The following PROS1 variants were observed in gnomAD, a reference collection of about 807,000 sequenced individuals.
PROS1 encodes the protein protein S, also known as vitamin K-dependent protein S.
Under a neutral mutation model 75.9 loss-of-function variants are expected in PROS1, and 29 were observed. The ratio of observed to expected loss-of-function variants is 0.38; its 90% CI spans 0.28 to 0.52. The LOEUF (loss-of-function observed/expected upper bound fraction) is 0.52, where lower values mean the gene tolerates loss of function less well. Among genes scored for constraint, PROS1 ranks in the 20% least tolerant of loss-of-function variants. PROS1 has a pLI of 0.83. For synonymous variants in PROS1, 245 were observed against 280.6 expected (o/e 0.87, Z 1.27); for missense variants, 680 against 810.3 (o/e 0.84, Z 1.95).
At chr3:93,968,404 C>A (rs1255754325) in intron 1 of PROS1, among the ~76,000 whole-genome samples, 4 of 152,192 alleles carry the variant, frequency 2.6e-5, no homozygotes, top group Non-Finnish European at 4.4e-5. Flanking sequence ...GAAACATATT[C>A]TCCCCTCACA....
intron 10 of PROS1, among the ~76,000 whole-genome samples, chr3:93,887,261 A>C (rs1231680695): frequency 6.6e-6 from 1 of 152,242 alleles, no homozygotes; most frequent in African/African-American, 2.4e-5. Context: ...TATGTTCACT[A>C]TTCTGTTAAT....
intron 2 of PROS1, among the ~76,000 whole-genome samples, chr3:93,926,001 C>T (rs912972009): frequency 1.3e-5 from 2 of 151,998 alleles, no homozygotes; most frequent in African/African-American, 4.8e-5. Context: ...GGTCTTCTCC[C>T]TCACTGGGCT....
intron 10 of PROS1, among the ~76,000 whole-genome samples, chr3:93,891,494 C>A (rs921522656): frequency 1.1e-4 from 16 of 152,144 alleles, no homozygotes; most frequent in African/African-American, 3.1e-4. Flanking sequence ...GTGGCGTGAT[C>A]TCGGCTCACT....
At chr3:93,937,655 C>G (rs1222396851) in intron 1 of PROS1, among the ~76,000 whole-genome samples, 6 of 152,162 alleles carry the variant, frequency 3.9e-5, no homozygotes, top group Non-Finnish European at 7.4e-5. Context: ...GCGTGAGTCA[C>G]CATGCTCAGC....
Position 93,899,481 on chromosome 3 carries a change from T to A in PROS1, c.728-912A>T, listed in dbSNP as rs1264152005. Among the ~76,000 whole-genome samples the A allele has an allele frequency of 2.6e-5, 4 of 152,276 alleles. No individual in the cohort carries two copies. The East Asian group carries it at 7.7e-4, about 29-fold the overall frequency. ...GATAAGAGTCATATATAAATCTTTT[T>A]AAAAAATATGTCATTCATTAAATAA... is the stretch of plus-strand genomic sequence containing the variant. On this transcript the variant is annotated intron_variant, in intron 7 of 14. Coordinates refer to ENST00000394236, the MANE Select transcript of PROS1 (RefSeq NM_000313.4).
At chr3:93,945,239 T>C (rs572232672) in intron 1 of PROS1, among the ~76,000 whole-genome samples, 74 of 152,306 alleles carry the variant, frequency 4.9e-4, no homozygotes, top group Non-Finnish European at 8.5e-4. Flanking sequence ...AAACAGGAAC[T>C]GGTACCATTC....
Position 93,874,194 on chromosome 3 carries a change from T to C in PROS1, c.*51A>G. The C allele has an allele frequency of 1.9e-6, 3 of 1,597,038 alleles. No individual in the cohort carries two copies. The highest frequency in any genetic ancestry group is 2.6e-6 in the Non-Finnish European group (3 of 1,165,212). The stretch of plus-strand genomic sequence containing the variant: ...AAACCCTTCAGCTGTTATTGAAACA[T>C]AAGTATAATTACACACAAGGAAAAG... On this transcript the variant is annotated 3_prime_UTR_variant, in exon 15 of 15. Coordinates refer to ENST00000394236, the MANE Select transcript of PROS1 (RefSeq NM_000313.4).
intron 12 of PROS1, among the ~76,000 whole-genome samples, chr3:93,880,002 G>C (rs1405783570): frequency 2.6e-5 from 4 of 152,110 alleles, no homozygotes; most frequent in Non-Finnish European, 5.9e-5. Flanking sequence ...TATGTTTCCA[G>C]AATAGTTGGA....
At chr3:93,875,857 C>A (rs1708179776) in intron 14 of PROS1, among the ~76,000 whole-genome samples, 1 of 152,140 alleles carries the variant, frequency 6.6e-6, no homozygotes, top group Non-Finnish European at 1.5e-5. Context: ...GAATAAATTG[C>A]AAATGTCATC....
chr3:93,924,339 G>C, intron 2 of PROS1, 75 bp from the exon 3 acceptor site: 1 of 888,566 alleles, frequency 1.1e-6, no homozygotes, highest in Non-Finnish European at 1.5e-6. Context: ...ATTTTATAAT[G>C]TGTTTTTATA....
intron 1 of PROS1, among the ~76,000 whole-genome samples, chr3:93,950,791 G>T (rs985143798): frequency 1.3e-5 from 2 of 152,158 alleles, no homozygotes; most frequent in African/African-American, 4.8e-5. Flanking sequence ...TCCTCCAAAG[G>T]AATGCAGCCC....
chr3:93,880,164 A>C lies in PROS1; in HGVS notation c.1493-850T>G, dbSNP rs77623611. On this transcript the variant is annotated intron_variant, in intron 12 of 14. Coordinates refer to ENST00000394236, the MANE Select transcript of PROS1 (RefSeq NM_000313.4). ...CCTTTGACAAGATGTTCTTCCACTT[A>C]GCCACATATAATGTCACTGTTTTTC... Among the ~76,000 whole-genome samples the C allele has an allele frequency of 8.9e-4, 136 of 152,326 alleles. 1 individual carries two copies. In the East Asian group the frequency reaches 0.023, roughly 26 times the overall value.
In PROS1 at chr3:93,877,560, T is replaced by A. The variant is rs557412502; in HGVS notation, c.1645-369A>T. ...GGGAAGGAGTTGAATCACTCTTTGT[T>A]GAGAAAAGACTTGGGAAATTTAAAA... On this transcript the variant is annotated intron_variant, in intron 13 of 14. Transcript: ENST00000394236. 8.5e-5 allele frequency among the ~76,000 whole-genome samples: 13 copies of A among 152,288 alleles called. No homozygotes were observed. In the East Asian group the frequency reaches 2.5e-3, roughly 29 times the overall value.
chr3:93,905,936 A>T (rs201783540), intron 5 of PROS1, 21 bp from the exon 6 acceptor site: 1 of 1,611,712 alleles, frequency 6.2e-7, no homozygotes. Flanking sequence ...AAAAAAATAA[A>T]TTATTTTTAA....
intron 1 of PROS1, among the ~76,000 whole-genome samples, chr3:93,964,252 C>T (rs183418036): frequency 3.3e-5 from 5 of 152,182 alleles, no homozygotes; most frequent in Admixed American, 6.5e-5. Flanking sequence ...TTACTCCCTG[C>T]GGGGTTGGGC....
intron 1 of PROS1, among the ~76,000 whole-genome samples, chr3:93,971,012 A>AT (rs972844754): frequency 4.6e-4 from 70 of 151,992 alleles, no homozygotes; most frequent in African/African-American, 1.7e-3. Context: ...TCACAAAAAT[A>AT]TTTTTTTAAT....
chr3:93,943,012 C>T (rs994541428), intron 1 of PROS1, among the ~76,000 whole-genome samples: 1 of 152,120 alleles, frequency 6.6e-6, no homozygotes, highest in Non-Finnish European at 1.5e-5. Flanking sequence ...CTGAGAAGTC[C>T]ACTGCGGTCA....
intron 1 of PROS1, among the ~76,000 whole-genome samples, chr3:93,942,957 G>C (rs915302767): frequency 6.6e-6 from 1 of 152,162 alleles, no homozygotes; most frequent in Non-Finnish European, 1.5e-5. Flanking sequence ...CTCTTGGTCT[G>C]GGTAGACACT....
At chr3:93,948,556 G>C (rs1709442484) in intron 1 of PROS1, among the ~76,000 whole-genome samples, 1 of 152,104 alleles carries the variant, frequency 6.6e-6, no homozygotes, top group Non-Finnish European at 1.5e-5. Flanking sequence ...TCTCTTTTAT[G>C]CAGCCAATAA....
Sources: gnomAD v4.1 joint callset for allele counts (sites outside exome capture counted in the v4.1 genomes callset) on GRCh38, gnomAD v4.1.1 for gene constraint, MANE v1.5 for transcripts, NCBI Gene and HGNC (gene_info 2026-07-23, HGNC 2026-07-21) for gene names.